Variants in NNT observed in about 807,000 individuals in gnomAD.
The protein encoded by NNT is nicotinamide nucleotide transhydrogenase.
NNT carries 50 observed loss-of-function variants against 104.8 expected under a neutral mutation model. That is an observed-to-expected ratio of 0.48 (90% CI 0.38 to 0.60). NNT has a LOEUF of 0.60. NNT is among the 20% of genes least tolerant of loss of function. The pLI, the probability that NNT is intolerant of heterozygous loss-of-function variation, is 0.00. For synonymous variants in NNT, 461 were observed against 490.4 expected, an observed-to-expected ratio of 0.94 and a Z score of 0.79; for missense variants, 1,131 against 1,330.7, an observed-to-expected ratio of 0.85 and a Z score of 2.33.
chr5:43,628,442 A>G, intron 7 of NNT, 55 bp downstream of exon 7: 1 of 1,375,608 alleles, frequency 7.3e-7, no homozygotes, highest in Non-Finnish European at 9.7e-7. Context: ...TTTTTTTTAA[A>G]AAAAAGCGAG....
At chr5:43,662,530 T>C (rs1364861477) in intron 17 of NNT, among the ~76,000 whole-genome samples, 1 of 152,152 alleles carries the variant, frequency 6.6e-6, no homozygotes, top group Non-Finnish European at 1.5e-5. Context: ...GATAGCTGCC[T>C]GAGACCATAA....
At chr5:43,652,751 C>A (rs1447275322) in intron 13 of NNT, among the ~76,000 whole-genome samples, 1 of 152,142 alleles carries the variant, frequency 6.6e-6, no homozygotes, top group Non-Finnish European at 1.5e-5. Flanking sequence ...CTGGCACTTA[C>A]CTCAGGGGTT....
intron 17 of NNT, among the ~76,000 whole-genome samples, chr5:43,671,180 T>C (rs902011471): frequency 1.3e-5 from 2 of 152,208 alleles, no homozygotes; most frequent in African/African-American, 4.8e-5. Context: ...TGCGTGTCTC[T>C]GCATGTGAGA....
At chr5:43,675,473 T>A (rs369248758) in intron 17 of NNT, 38 bp from the exon 18 acceptor site, 3 of 1,571,402 alleles carry the variant, frequency 1.9e-6, no homozygotes, top group Non-Finnish European at 2.6e-6. Flanking sequence ...CAAAGTTATG[T>A]GTGTTAAACT....
chr5:43,605,702 AC>A (rs776143407), intron 1 of NNT, among the ~76,000 whole-genome samples: 1 of 152,182 alleles, frequency 6.6e-6, no homozygotes, highest in Non-Finnish European at 1.5e-5. Flanking sequence ...ATAAACCTGT[AC>A]AGGTCAATGA....
chr5:43,695,983 C>T (rs1210727093), intron 19 of NNT, among the ~76,000 whole-genome samples: 4 of 152,174 alleles, frequency 2.6e-5, no homozygotes, highest in Non-Finnish European at 5.9e-5. Context: ...TTGGTAGAGA[C>T]ACAGCCAAAC....
At chr5:43,604,706 C>T (rs1749113551) in intron 1 of NNT, among the ~76,000 whole-genome samples, 1 of 152,202 alleles carries the variant, frequency 6.6e-6, no homozygotes, top group African/African-American at 2.4e-5. Context: ...AAGTCTCGCT[C>T]TGTTGTCCAA....
At chr5:43,666,502 G>C (rs971088117) in intron 17 of NNT, among the ~76,000 whole-genome samples, 1 of 151,134 alleles carries the variant, frequency 6.6e-6, no homozygotes, top group Admixed American at 6.6e-5. Context: ...TGAGGCAGGA[G>C]AATCAGGCAG....
intron 19 of NNT, among the ~76,000 whole-genome samples, chr5:43,684,728 T>TA (rs149163571): frequency 8.1e-5 from 12 of 148,774 alleles, no homozygotes; most frequent in South Asian, 6.4e-4. Flanking sequence ...AATGATTGCT[T>TA]AAAAAAAAAA....
chr5:43,694,471 T>G (rs1315044393), intron 19 of NNT, among the ~76,000 whole-genome samples: 1 of 152,192 alleles, frequency 6.6e-6, no homozygotes, highest in Non-Finnish European at 1.5e-5. Flanking sequence ...CCTAGTTTAG[T>G]GAGAGTTTTT....
chr5:43,704,546 C>G lies in NNT; in HGVS notation c.*142C>G, dbSNP rs1743019163. On this transcript the variant is annotated 3_prime_UTR_variant, in exon 22 of 22. Transcript: ENST00000344920. ...AAGACTGAAGAAAGCAAAGCAAAAA[C>G]TGTATAGAGAGATTTTTCAAAAGCA... is the stretch of plus-strand genomic sequence containing the variant. 10 of 733,338 alleles carry G rather than the reference C, an allele frequency of 1.4e-5. No individual in the cohort carries two copies. The highest frequency in any genetic ancestry group is 1.2e-4 in the South Asian group (5 of 42,902). 45.4% of individuals were successfully genotyped at this position (733,338 alleles called of 1,614,324 possible). A position where few individuals can be genotyped will look rare whatever the true frequency, so the allele number is the denominator to read the frequency against.
intron 7 of NNT, among the ~76,000 whole-genome samples, chr5:43,642,689 G>A (rs554590012): frequency 2.6e-5 from 4 of 152,304 alleles, no homozygotes; most frequent in African/African-American, 9.6e-5. Context: ...AGGGTGAGAG[G>A]CATTTAGTCC....
chr5:43,684,023 A>G (rs1476274249), intron 19 of NNT, among the ~76,000 whole-genome samples: 1 of 152,140 alleles, frequency 6.6e-6, no homozygotes, highest in Non-Finnish European at 1.5e-5. Flanking sequence ...TTTGCACCAG[A>G]CCATCTGAGC....
intron 3 of NNT, among the ~76,000 whole-genome samples, chr5:43,614,214 G>A (rs1749655963): frequency 1.3e-5 from 2 of 152,206 alleles, no homozygotes; most frequent in South Asian, 4.1e-4. Context: ...AGTGCTATGT[G>A]TTCCTTTTAG....
At position 43,644,390 on chromosome 5, in the gene NNT, A is replaced by G. The variant is rs1224327667; in HGVS notation, c.1098+65A>G. On this transcript the variant is annotated intron_variant, in intron 8 of 21. Coordinates refer to ENST00000344920, the MANE Select transcript of NNT (RefSeq NM_182977.3). ...TGTCTTGAGTTATGGGGGGGTGTTT[A>G]TTTCTTTAAATATTTAGAGACATTA... 2.0e-6 allele frequency: 3 copies of G among 1,536,306 alleles called. No homozygotes were observed. The Admixed American group carries it at 6.4e-5, about 33-fold the overall frequency.
chr5:43,643,801 C>T (rs150831570), intron 7 of NNT, among the ~76,000 whole-genome samples: 36 of 152,270 alleles, frequency 2.4e-4, no homozygotes, highest in African/African-American at 7.2e-4. Flanking sequence ...GTGACCTTTA[C>T]GAATTGTTCA....
At chr5:43,626,384 CA>C (rs1037221529) in intron 6 of NNT, among the ~76,000 whole-genome samples, 49 of 152,014 alleles carry the variant, frequency 3.2e-4, no homozygotes, top group Non-Finnish European at 6.6e-4. Flanking sequence ...TTTGATATCT[CA>C]GGGGGATCAT....
In NNT at chr5:43,674,244, TA is replaced by T. The variant is rs372781189; in HGVS notation, c.2635-1266del. On this transcript the variant is annotated intron_variant, in intron 17 of 21. Coordinates refer to ENST00000344920, the MANE Select transcript of NNT (RefSeq NM_182977.3). ...GATTCATCATCTTTGAAATTTACGT[TA>T]TTTAGGCTTTATTAAAGTATGGCTT... Among the ~76,000 whole-genome samples, 260 of 152,292 alleles carry T rather than the reference TA, an allele frequency of 1.7e-3. 1 individual carries two copies. The highest frequency in any genetic ancestry group is 6.0e-3 in the African/African-American group (250 of 41,558).
At chr5:43,696,112 CAGTCCAA>C (rs1411090174) in intron 19 of NNT, among the ~76,000 whole-genome samples, 1 of 152,184 alleles carries the variant, frequency 6.6e-6, no homozygotes, top group African/African-American at 2.4e-5. Context: ...CAAAAGTCCA[CAGTCCAA>C]AGTCTCATAT....
Sources: allele counts gnomAD v4.1 joint callset (sites outside exome capture counted in the v4.1 genomes callset), GRCh38; gene constraint gnomAD v4.1.1; transcripts MANE v1.5; gene names NCBI Gene and HGNC (gene_info 2026-07-23, HGNC 2026-07-21).